SAMD11: variants seen among roughly 807,000 people sequenced by gnomAD.
The protein encoded by SAMD11 is sterile alpha motif domain containing 11.
In SAMD11, 77 loss-of-function variants were observed where a neutral mutation model predicts 64.4. The observed-to-expected ratio is 1.20, with a 90% CI of 0.99 to 1.44. SAMD11 has a LOEUF of 1.44. Among genes scored for constraint, SAMD11 ranks in the 40% most tolerant of loss-of-function variants. SAMD11 has a pLI of 0.00. For missense variants in SAMD11, 1,402 were observed against 943.3 expected (o/e 1.49, Z -6.37); for synonymous variants, 658 against 421.9 (o/e 1.56, Z -6.86).
In SAMD11 at chr1:939,068, C is replaced by T. The variant is rs1641608216; in HGVS notation, c.996C>T (p.Arg332=). 2 of 1,605,462 alleles carry T rather than the reference C, an allele frequency of 1.2e-6. No individual in the cohort carries two copies. The highest frequency in any genetic ancestry group is 1.7e-6 in the Non-Finnish European group (2 of 1,176,454). The change falls in exon 6 of 14, where the codon CGC becomes CGT. Residue 332 remains arginine, a synonymous_variant. Coordinates refer to ENST00000616016, the MANE Select transcript of SAMD11 (RefSeq NM_001385641.1). ...ACCTGTTGGGCAAGAGGCTGGGCCG[C>T]TCCCCCCGTATCAGCAGCGACTGCT... ...AGDLLGKRLG[R]SPRISSDCFS... is the part of the protein sequence containing the mutation.
chr1:935,830 A>G lies in SAMD11; in HGVS notation c.901A>G (p.Met301Val), dbSNP rs1641404044. ...SSVHRSRHLV[M>V]PEHQSRCEFQ... Reference sequence around the variant, plus strand: ...CGTCCACCGCAGCCGCCACCTCGTTATGCCCGAGCATCAGAGCCGCTGTGA... The same window carrying G: ...CGTCCACCGCAGCCGCCACCTCGTTGTGCCCGAGCATCAGAGCCGCTGTGA... The change falls in exon 5 of 14, where the codon ATG (methionine) becomes GTG (valine). Residue 301 changes from methionine to valine, a missense_variant. Physicochemically the swap from Met to Val is conservative, Grantham distance 21 (BLOSUM62 1). Transcript: ENST00000616016. 6.2e-7 allele frequency: 1 copy of G among 1,613,352 alleles called. No homozygotes were observed. Among genetic ancestry groups the G allele is most frequent in the Non-Finnish European group, 8.5e-7 (1 of 1,179,848 alleles).
At chr1:943,197 G>C in intron 11 of SAMD11, 56 bp from the exon 12 acceptor site, 1 of 1,609,586 alleles carries the variant, frequency 6.2e-7, no homozygotes, top group Non-Finnish European at 8.5e-7. Context: ...ACGGTCAGGA[G>C]ACGGGCGGGT....
intron 5 of SAMD11, among the ~76,000 whole-genome samples, chr1:937,428 C>T (rs1641516978): frequency 7.1e-6 from 1 of 140,634 alleles, no homozygotes; most frequent in African/African-American, 2.6e-5. Context: ...CTCCCCCAGG[C>T]TAGGAGGAGG....
At chr1:939,566 C>A (rs1009157384) in intron 7 of SAMD11, 154 bp downstream of exon 7, 16 of 720,046 alleles carry the variant, frequency 2.2e-5, no homozygotes, top group Non-Finnish European at 3.2e-5. Context: ...AGGCTGGATG[C>A]AGGTCCCTCT....
rs1355038230 is a variant in SAMD11 at position 943,132 on chromosome 1, G to A, written c.2053+74G>A. The A allele has an allele frequency of 2.2e-5, 34 of 1,572,312 alleles. No individual in the cohort carries two copies. In the East Asian group the frequency reaches 5.0e-4, roughly 23 times the overall value. On this transcript the variant is annotated intron_variant, in intron 11 of 13. Transcript: ENST00000616016. ...GGCCGCCTGTGGAAGGGTCTTGGGG[G>A]GAGGAAAAATTCCCCTTAGGCACCC...
At chr1:926,296 C>G (rs982109458) in intron 2 of SAMD11, among the ~76,000 whole-genome samples, 2 of 152,236 alleles carry the variant, frequency 1.3e-5, no homozygotes, top group African/African-American at 4.8e-5. Flanking sequence ...GCTGCTTATC[C>G]TCGAGTCCTG....
Position 944,235 on chromosome 1 carries a change from T to A in SAMD11, c.*82T>A. Reference sequence around the variant, plus strand: ...AATGGCCCTGCCTCCCACCGCTTTATTTCTTTCGGTTTCGGATGCAAAACA... The same window carrying A: ...AATGGCCCTGCCTCCCACCGCTTTAATTCTTTCGGTTTCGGATGCAAAACA... On this transcript the variant is annotated 3_prime_UTR_variant, in exon 14 of 14. Transcript: ENST00000616016. 1 of 1,458,424 alleles carries A rather than the reference T, an allele frequency of 6.9e-7. No individual in the cohort carries two copies. Among genetic ancestry groups the A allele is most frequent in the Non-Finnish European group, 9.0e-7 (1 of 1,106,616 alleles). The allele number at this position is 1,458,424 out of a possible 1,614,324, so 90.3% of individuals were successfully genotyped here. A position where few individuals can be genotyped will look rare whatever the true frequency, so the allele number is the denominator to read the frequency against.
intron 4 of SAMD11, among the ~76,000 whole-genome samples, chr1:935,018 T>C (rs1340145110): frequency 1.3e-5 from 2 of 152,014 alleles, no homozygotes; most frequent in African/African-American, 4.8e-5. Flanking sequence ...GCCCCTTCTC[T>C]GCTGACTGGG....
rs372894077 is a variant in SAMD11, at chr1:943,747, A to T, written c.2228A>T (p.Glu743Val). 8 of 1,609,252 alleles carry T rather than the reference A, an allele frequency of 5.0e-6. No homozygotes were observed. Among genetic ancestry groups the T allele is most frequent in the East Asian group, 4.5e-5 (2 of 44,758 alleles). Residue 743 changes from glutamate to valine, a missense_variant, in exon 13 of 14, where the codon GAG becomes GTG. Glu to Val is a moderately radical substitution (Grantham distance 121). Transcript: ENST00000616016. ...GGGGAGACCCTGCCACTGCTGACGGAGGAGCACCTGCTGACCAACATGGGG... is the reference window on the plus strand; with the variant it reads ...GGGGAGACCCTGCCACTGCTGACGGTGGAGCACCTGCTGACCAACATGGGG... ...IDGETLPLLT[E>V]EHLLTNMGLK... is the part of the protein sequence containing the mutation.
chr1:943,241 C>G lies in SAMD11; in HGVS notation c.2054-12C>G. 1 of 1,612,808 alleles carries G rather than the reference C, an allele frequency of 6.2e-7. No individual in the cohort carries two copies. The highest frequency in any genetic ancestry group is 8.5e-7 in the Non-Finnish European group (1 of 1,179,794). Reference sequence around the variant, plus strand: ...GCCAGCCAGAGCCCTAGTAACACGCCCCACAACTCAGGCGCGGTAGGGGGA... The same window carrying G: ...GCCAGCCAGAGCCCTAGTAACACGCGCCACAACTCAGGCGCGGTAGGGGGA... On this transcript the variant is annotated splice_polypyrimidine_tract_variant and intron_variant, in intron 11 of 13. Transcript: ENST00000616016.
rs1347489622 is a variant in SAMD11 at position 943,997 on chromosome 1, A to G, written c.2379A>G (p.Arg793=). 1.2e-6 allele frequency: 2 copies of G among 1,612,752 alleles called. No individual in the cohort carries two copies. The highest frequency in any genetic ancestry group is 1.7e-6 in the Non-Finnish European group (2 of 1,180,006). The change falls in exon 14 of 14, where the codon CGA becomes CGG. Residue 793 remains arginine, a synonymous_variant. Coordinates refer to ENST00000616016, the MANE Select transcript of SAMD11 (RefSeq NM_001385641.1). The part of the protein sequence containing the change: ...LQPPTLRAPE[R]ELGTGEQPLS... ...CACCAACCCTGCGGGCCCCGGAGCG[A>G]GAACTCGGCACAGGAGAGCAGCCCT...
intron 2 of SAMD11, 132 bp downstream of exon 2, chr1:926,145 G>A: frequency 1.2e-6 from 1 of 861,866 alleles, no homozygotes; most frequent in Non-Finnish European, 1.9e-6. Context: ...GCCTCCGAAG[G>A]GCAGGGGGAA....
rs1641103006 is a variant in SAMD11, at chr1:930,179, A to G, written c.634A>G (p.Arg212Gly). Residue 212 changes from arginine to glycine, a missense_variant, in exon 3 of 14, where the codon AGG becomes GGG. By Grantham distance (125) the Arg-to-Gly change is moderately radical. Transcript: ENST00000616016. ...GAACCGGGGGCGGCTGGCAGACAAGAGGACAGTCGCCCTGCCTGCCGCCCG... is the reference window on the plus strand; with the variant it reads ...GAACCGGGGGCGGCTGGCAGACAAGGGGACAGTCGCCCTGCCTGCCGCCCG... ...PVNRGRLADK[R>G]TVALPAARNL... 2 of 1,559,512 alleles carry G rather than the reference A, an allele frequency of 1.3e-6. No homozygotes were observed. The highest frequency in any genetic ancestry group is 1.7e-6 in the Non-Finnish European group (2 of 1,151,946).
At chr1:940,358 T>G (rs1266534491) in intron 7 of SAMD11, 2 of 145,798 alleles carry the variant, frequency 1.4e-5, no homozygotes, top group African/African-American at 5.0e-5. Context: ...ACCCGGCCGC[T>G]AGCGCGGGGG....
chr1:929,877 G>A (rs902343876), intron 2 of SAMD11, among the ~76,000 whole-genome samples: 23 of 152,182 alleles, frequency 1.5e-4, no homozygotes, highest in Admixed American at 3.3e-4. Context: ...AGTGGGCGTC[G>A]TCTGTAGGGG....
chr1:940,133 G>A (rs1308061890), intron 7 of SAMD11, among the ~76,000 whole-genome samples: 1 of 152,162 alleles, frequency 6.6e-6, no homozygotes. Flanking sequence ...CGTCCCCCAG[G>A]GCAGCTCAGG....
In SAMD11 at chr1:930,248, G is replaced by A. The variant is rs41285790; in HGVS notation, c.703G>A (p.Gly235Ser). ...AACTCCCAGCTTCTCTGCCAGCGAT[G>A]GTGACAGCGACGGGAGTGGCCCCAC... ...ERTPSFSASD[G>S]DSDGSGPTCG... Residue 235 changes from glycine to serine, a missense_variant, in exon 3 of 14, where the codon GGT (glycine) becomes AGT (serine). By Grantham distance (56) the Gly-to-Ser change is moderately conservative. Transcript: ENST00000616016. 4.5e-3 allele frequency: 7,196 copies of A among 1,605,002 alleles called. 29 individuals carry two copies. The highest frequency in any genetic ancestry group is 0.016 in the Middle Eastern group (96 of 6,048).
intron 8 of SAMD11, among the ~76,000 whole-genome samples, chr1:941,680 A>G (rs1318507881): frequency 1.3e-5 from 2 of 151,872 alleles, no homozygotes; most frequent in Non-Finnish European, 2.9e-5. Flanking sequence ...GGCACAGACA[A>G]GGCCTCCGGC....
chr1:942,812 G>A lies in SAMD11; in HGVS notation c.1807G>A (p.Ala603Thr). Residue 603 changes from alanine (A) to threonine (T), a missense_variant, in exon 11 of 14, where the codon GCC (alanine) becomes ACC (threonine). By Grantham distance (58) the Ala-to-Thr change is moderately conservative. Coordinates refer to ENST00000616016, the MANE Select transcript of SAMD11 (RefSeq NM_001385641.1). ...CCCCCGGAAGGGGGGTCCCGGCCCT[G>A]CCTCAGCGCGGCCCAGCGAGTCCAA... ...RAPRKGGPGPASARPSESKEM... is the reference protein window; with the variant it reads ...RAPRKGGPGPTSARPSESKEM... 1 of 1,547,632 alleles carries A rather than the reference G, an allele frequency of 6.5e-7. No individual in the cohort carries two copies. Among genetic ancestry groups the A allele is most frequent in the East Asian group, 2.5e-5 (1 of 40,650 alleles).
Sources: gnomAD v4.1 joint callset for allele counts (sites outside exome capture counted in the v4.1 genomes callset) on GRCh38, gnomAD v4.1.1 for gene constraint, MANE v1.5 for transcripts, NCBI Gene and HGNC (gene_info 2026-07-23, HGNC 2026-07-21) for gene names.